TULP3: variants seen among roughly 807,000 people sequenced by gnomAD.
TULP3 encodes TUB like protein 3, also known as tubby-related protein 3.
Under a neutral mutation model 50.7 loss-of-function variants are expected in TULP3, and 38 were observed. The observed-to-expected ratio is 0.75, with a 90% confidence interval of 0.58 to 0.98. The LOEUF is 0.98. Ranked by LOEUF, TULP3 falls within the 50% of genes least tolerant of loss-of-function variation. The probability of loss-of-function intolerance (pLI) is 0.00; values close to 1 mark genes in which losing one functional copy is unlikely to be tolerated. For missense variants in TULP3, 550 were observed against 568.0 expected, an observed-to-expected ratio of 0.97 and a Z score of 0.32; for synonymous variants, 183 against 196.6, an observed-to-expected ratio of 0.93 and a Z score of 0.58.
chr12:2,911,530 A>ATT (rs1438766596), intron 2 of TULP3, among the ~76,000 whole-genome samples: 1 of 148,018 alleles, frequency 6.8e-6, no homozygotes, highest in African/African-American at 2.5e-5. Context: ...TTTATTTTTT[A>ATT]TTTTTTTTTA....
At chr12:2,916,384 T>G (rs1179586073) in intron 2 of TULP3, among the ~76,000 whole-genome samples, 2 of 138,850 alleles carry the variant, frequency 1.4e-5, no homozygotes, top group Non-Finnish European at 3.1e-5. Context: ...CTGTTTATTT[T>G]GACATCACCA....
intron 4 of TULP3, among the ~76,000 whole-genome samples, chr12:2,928,987 A>G (rs2153950085): frequency 6.6e-6 from 1 of 151,638 alleles, no homozygotes; most frequent in South Asian, 2.1e-4. Context: ...TCTTTTTAGA[A>G]TTTGTCTAGC....
chr12:2,938,049 A>G (rs1417626791), intron 9 of TULP3, 65 bp from the exon 10 acceptor site: 1 of 1,564,194 alleles, frequency 6.4e-7, no homozygotes, highest in Non-Finnish European at 8.7e-7. Flanking sequence ...GTATTCTCCT[A>G]CTCTACCTTC....
At chr12:2,905,668 A>G (rs186738244) in intron 1 of TULP3, among the ~76,000 whole-genome samples, 353 of 151,274 alleles carry the variant, frequency 2.3e-3, no homozygotes, top group Admixed American at 3.6e-3. Context: ...ATTATACCCT[A>G]TTTATTCAGA....
intron 5 of TULP3, 158 bp from the exon 6 acceptor site, chr12:2,930,879 A>T (rs1425125779): frequency 2.6e-6 from 2 of 772,934 alleles, no homozygotes; most frequent in Non-Finnish European, 4.4e-6. Flanking sequence ...TACTCTCAAT[A>T]TTCATATACT....
chr12:2,891,065 A>G, intron 1 of TULP3, 77 bp downstream of exon 1: 1 of 1,423,670 alleles, frequency 7.0e-7, no homozygotes, highest in Non-Finnish European at 9.3e-7. Flanking sequence ...CCTCTCCGGG[A>G]GCCCTGCGGG....
At position 2,890,927 on chromosome 12, in the gene TULP3, G is replaced by T. The variant is rs201879864; in HGVS notation, c.-21G>T. 21 of 1,592,582 alleles carry T rather than the reference G, an allele frequency of 1.3e-5. No individual in the cohort carries two copies. Among genetic ancestry groups the T allele is most frequent in the Non-Finnish European group, 1.8e-5 (21 of 1,169,932 alleles). ...GGCGGGGAAGAGTGTGTACGTGGTG[G>T]GGGCTTCCTCGGTGGCGGGCATGGA... is the stretch of plus-strand genomic sequence containing the variant. On this transcript the variant is annotated 5_prime_UTR_variant, in exon 1 of 11. Coordinates refer to ENST00000448120, the MANE Select transcript of TULP3 (RefSeq NM_003324.5).
chr12:2,920,745 A>G lies in TULP3; in HGVS notation c.94-18A>G, dbSNP rs1382583418. The G allele has an allele frequency of 1.9e-6, 3 of 1,613,486 alleles. No individual in the cohort carries two copies. Among genetic ancestry groups the G allele is most frequent in the Non-Finnish European group, 2.5e-6 (3 of 1,179,602 alleles). ...GTCAAAACTCTCCTTGCTGGCTGTCATATCGCTTTTTTCCCAGAGGCTACT... is the reference window on the plus strand; with the variant it reads ...GTCAAAACTCTCCTTGCTGGCTGTCGTATCGCTTTTTTCCCAGAGGCTACT... On this transcript the variant is annotated intron_variant, in intron 2 of 10. Transcript: ENST00000448120.
At chr12:2,900,806 C>T (rs1397841168) in intron 1 of TULP3, among the ~76,000 whole-genome samples, 1 of 150,566 alleles carries the variant, frequency 6.6e-6, no homozygotes, top group Non-Finnish European at 1.5e-5. Context: ...ACCTCCTGGG[C>T]TCAAGCAATC....
intron 2 of TULP3, among the ~76,000 whole-genome samples, chr12:2,917,982 C>A (rs575858336): frequency 6.6e-6 from 1 of 151,554 alleles, no homozygotes; most frequent in Non-Finnish European, 1.5e-5. Context: ...CTAGCTACTC[C>A]GGAGGCTGAG....
chr12:2,912,916 C>G (rs907344758), intron 2 of TULP3, among the ~76,000 whole-genome samples: 2 of 152,042 alleles, frequency 1.3e-5, no homozygotes, highest in African/African-American at 4.8e-5. Context: ...GACATTCTCC[C>G]TGCCTTAGTG....
intron 8 of TULP3, 80 bp from the exon 9 acceptor site, chr12:2,937,551 A>G (rs1284699900): frequency 9.9e-7 from 1 of 1,009,210 alleles, no homozygotes; most frequent in East Asian, 2.6e-5. Context: ...TACATTCCCA[A>G]GAAAGTCTCA....
In TULP3 at chr12:2,940,751, G is replaced by A. The variant is rs2153950824; in HGVS notation, c.*1307G>A. 6.5e-7 allele frequency: 1 copy of A among 1,536,268 alleles called. No individual in the cohort carries two copies. Among genetic ancestry groups the A allele is most frequent in the Non-Finnish European group, 8.8e-7 (1 of 1,138,024 alleles). On this transcript the variant is annotated 3_prime_UTR_variant, in exon 11 of 11. Transcript: ENST00000448120. Reference sequence around the variant, plus strand: ...AAGGAGGGCCAACTGGCAGCTGCGGGACCCTTGGCTTGTCCCCCACCGACA... The same window carrying A: ...AAGGAGGGCCAACTGGCAGCTGCGGAACCCTTGGCTTGTCCCCCACCGACA...
chr12:2,928,733 A>G (rs1490863973), intron 4 of TULP3, among the ~76,000 whole-genome samples: 3 of 151,934 alleles, frequency 2.0e-5, no homozygotes, highest in African/African-American at 7.3e-5. Context: ...ACCTGAGGTC[A>G]GGAGTTTGAG....
intron 1 of TULP3, among the ~76,000 whole-genome samples, chr12:2,897,627 G>A (rs533289921): frequency 2.4e-4 from 36 of 151,056 alleles, no homozygotes; most frequent in African/African-American, 8.0e-4. Flanking sequence ...TGTCATGTTC[G>A]TTTGTTCTCT....
At chr12:2,893,930 G>A (rs958180250) in intron 1 of TULP3, among the ~76,000 whole-genome samples, 35 of 151,908 alleles carry the variant, frequency 2.3e-4, no homozygotes, top group African/African-American at 7.7e-4. Flanking sequence ...AGGTGTGAGC[G>A]ACCAGGCTTG....
chr12:2,917,065 C>G (rs527592929), intron 2 of TULP3, among the ~76,000 whole-genome samples: 1 of 152,252 alleles, frequency 6.6e-6, no homozygotes, highest in African/African-American at 2.4e-5. Flanking sequence ...GGCACAAATT[C>G]ACGCTAGTTA....
At chr12:2,909,230 A>G (rs2098184047) in intron 1 of TULP3, among the ~76,000 whole-genome samples, 1 of 152,214 alleles carries the variant, frequency 6.6e-6, no homozygotes, top group Admixed American at 6.5e-5. Context: ...TTCAGAGCAT[A>G]ATGCGTACCT....
chr12:2,920,044 A>G (rs2098190769), intron 2 of TULP3, among the ~76,000 whole-genome samples: 1 of 151,880 alleles, frequency 6.6e-6, no homozygotes, highest in African/African-American at 2.4e-5. Flanking sequence ...AAAAAAAAAA[A>G]AAGACTAGAA....
Sources: gnomAD v4.1 joint callset for allele counts (sites outside exome capture counted in the v4.1 genomes callset) on GRCh38, gnomAD v4.1.1 for gene constraint, MANE v1.5 for transcripts, NCBI Gene and HGNC (gene_info 2026-07-23, HGNC 2026-07-21) for gene names.